ZNF780B: variants seen among roughly 807,000 people sequenced by gnomAD.
ZNF780B encodes zinc finger protein 779.
In ZNF780B, 52 loss-of-function variants were observed where a neutral mutation model predicts 74.1. The observed-to-expected ratio is 0.70, with a 90% confidence interval of 0.56 to 0.88. ZNF780B has a LOEUF of 0.88. ZNF780B is among the 40% of genes least tolerant of loss of function. The pLI is 0.00. For synonymous variants in ZNF780B, 315 were observed against 324.3 expected, an observed-to-expected ratio of 0.97 and a Z score of 0.31; for missense variants, 953 against 1,007.6, an observed-to-expected ratio of 0.95 and a Z score of 0.73.
chr19:40,038,477 G>A (rs550873315), intron 4 of ZNF780B, among the ~76,000 whole-genome samples: 3 of 150,780 alleles, frequency 2.0e-5, no homozygotes, highest in South Asian at 2.1e-4. Flanking sequence ...CTAGATCCCT[G>A]AGGAATCGCC....
In ZNF780B at chr19:40,052,345, C is replaced by T. The variant is rs1288639831; in HGVS notation, c.-45-1968G>A. 4.6e-5 allele frequency among the ~76,000 whole-genome samples: 7 copies of T among 152,242 alleles called. No homozygotes were observed. In the South Asian group the frequency reaches 1.0e-3, roughly 23 times the overall value. On this transcript the variant is annotated intron_variant, in intron 1 of 4. Coordinates refer to ENST00000434248, the MANE Select transcript of ZNF780B (RefSeq NM_001005851.3). ...AACCAAAAGTTTTTAAACATCACCC[C>T]CGCTGAGAATCAATGTTCTATCTAG...
intron 2 of ZNF780B, chr19:40,049,071 AAAAG>A (rs1002204662): frequency 1.1e-5 from 4 of 379,668 alleles, no homozygotes; most frequent in Non-Finnish European, 1.9e-5. Flanking sequence ...AAAAAAAAAA[AAAAG>A]AAAGAAAGAA....
rs1307454272 is a variant in ZNF780B, at chr19:40,034,632, G to A, written c.2227C>T (p.His743Tyr). 1.2e-6 allele frequency: 2 copies of A among 1,613,988 alleles called. No homozygotes were observed. The highest frequency in any genetic ancestry group is 1.1e-5 in the South Asian group (1 of 91,076). Residue 743 changes from histidine to tyrosine, a missense_variant, in exon 5 of 5, where the codon CAT (histidine) becomes TAT (tyrosine). Physicochemically the swap from His to Tyr is moderately conservative, Grantham distance 83 (BLOSUM62 2). Coordinates refer to ENST00000434248, the MANE Select transcript of ZNF780B (RefSeq NM_001005851.3). ...AFGLLTQLAQHQIIHTGEKPF... is the reference protein window; with the variant it reads ...AFGLLTQLAQYQIIHTGEKPF... ...TTCTCACCAGTATGAATGATCTGAT[G>A]TTGAGCAAGCTGTGTCAGAAGACCA...
intron 3 of ZNF780B, among the ~76,000 whole-genome samples, chr19:40,048,368 C>T (rs768779856): frequency 2.6e-5 from 4 of 152,104 alleles, no homozygotes; most frequent in African/African-American, 4.8e-5. Context: ...TAATATGAAA[C>T]CTGGTTCTTG....
intron 1 of ZNF780B, among the ~76,000 whole-genome samples, chr19:40,053,366 C>T (rs1185799720): frequency 6.6e-6 from 1 of 152,184 alleles, no homozygotes; most frequent in East Asian, 1.9e-4. Flanking sequence ...AATAAGATAT[C>T]ACCTCATATG....
rs1972077208 is a variant in ZNF780B, at chr19:40,033,314, G to T, written c.*1043C>A. Reference sequence around the variant, plus strand: ...TGCAAGGTTGCTGCAAACCTTCAGTGTGTATAAAATGCAGTAACTGCAATG... The same window carrying T: ...TGCAAGGTTGCTGCAAACCTTCAGTTTGTATAAAATGCAGTAACTGCAATG... On this transcript the variant is annotated 3_prime_UTR_variant, in exon 5 of 5. Transcript: ENST00000434248. 6.5e-6 allele frequency: 1 copy of T among 154,992 alleles called. No homozygotes were observed. Among genetic ancestry groups the T allele is most frequent in the Non-Finnish European group, 1.5e-5 (1 of 68,260 alleles). The allele number at this position is 154,992 out of a possible 1,614,324, so 9.6% of individuals were successfully genotyped here.
chr19:40,049,060 G>T, intron 2 of ZNF780B: 3 of 258,986 alleles, frequency 1.2e-5, no homozygotes, highest in East Asian at 8.3e-5. Flanking sequence ...GCACTCCCTG[G>T]AAAAAAAAAA....
In ZNF780B at chr19:40,035,225, G is replaced by A; in HGVS notation, c.1634C>T (p.Ser545Phe). 1 of 1,612,438 alleles carries A rather than the reference G, an allele frequency of 6.2e-7. No homozygotes were observed. Among genetic ancestry groups the A allele is most frequent in the Non-Finnish European group, 8.5e-7 (1 of 1,179,566 alleles). ...ACCTGTATGAGTTTTCTCATGTTGA[G>A]AAAGTTGTAGGTGAAGTCTAAAAGC... ...GKAFRLHLQL[S>F]QHEKTHTGEK... Residue 545 changes from serine (S) to phenylalanine (F), a missense_variant, in exon 5 of 5, where the codon TCT (serine) becomes TTT (phenylalanine). Ser to Phe is a radical substitution (Grantham distance 155). Transcript: ENST00000434248.
Position 40,032,478 on chromosome 19 carries a change from G to A in ZNF780B, c.*1879C>T, listed in dbSNP as rs967322021. 2 of 280,864 alleles carry A rather than the reference G, an allele frequency of 7.1e-6. No individual in the cohort carries two copies. Among genetic ancestry groups the A allele is most frequent in the Non-Finnish European group, 1.4e-5 (2 of 145,132 alleles). 17.4% of individuals were successfully genotyped at this position (280,864 alleles called of 1,614,324 possible). On this transcript the variant is annotated 3_prime_UTR_variant, in exon 5 of 5. Coordinates refer to ENST00000434248, the MANE Select transcript of ZNF780B (RefSeq NM_001005851.3). ...TCATGCCTGTAATCCCAGCACTTTG[G>A]GAGGCCAAGGCGGGTGGATCACGAG...
At chr19:40,051,373 G>T (rs1029507572) in intron 1 of ZNF780B, among the ~76,000 whole-genome samples, 2 of 151,634 alleles carry the variant, frequency 1.3e-5, no homozygotes, top group Non-Finnish European at 2.9e-5. Flanking sequence ...TCCTTTCAAC[G>T]TGGGGACAAA....
In ZNF780B at chr19:40,048,798, T is replaced by C. The variant is rs112293642; in HGVS notation, c.10-2A>G. On this transcript the variant is annotated splice_acceptor_variant, in intron 2 of 4. Transcript: ENST00000434248. LOFTEE classifies it high-confidence loss of function. ...CACATCCCTGAATGTCACTGATCCC[T>C]GAAACCACAAACACATGGATTATGG... The C allele has an allele frequency of 0.012, 19,763 of 1,613,954 alleles. 146 individuals are homozygous for C. The highest frequency in any genetic ancestry group is 0.015 in the Non-Finnish European group (17,486 of 1,179,950).
chr19:40,036,337 A>G lies in ZNF780B; in HGVS notation c.522T>C (p.Phe174=), dbSNP rs1274399908. Reference sequence around the variant, plus strand: ...GCTGAATAAGATTTGAACCACAACTAAAGTATTTCCCACATTCCTTACATT... The same window carrying G: ...GCTGAATAAGATTTGAACCACAACTGAAGTATTTCCCACATTCCTTACATT... ...PYECKECGKY[F]SCGSNLIQHQ... Residue 174 remains phenylalanine (F), a synonymous_variant, in exon 5 of 5, where the codon TTT becomes TTC. Transcript: ENST00000434248. The G allele has an allele frequency of 1.5e-5, 24 of 1,613,824 alleles. 1 individual carries two copies. In the South Asian group the frequency reaches 2.2e-4, roughly 15 times the overall value.
In ZNF780B at chr19:40,047,375, C is replaced by T. The variant is rs1972978764; in HGVS notation, c.232G>A (p.Asp78Asn). ...CCCTGCCTGCTTTACTCTCACTTAC[C>T]TGGATACCATCTGCTTGTTTCTTTA... is the stretch of plus-strand genomic sequence containing the variant. ...VSKETSRWYP[D>N]LESKYGPEKI... The change falls in exon 4 of 5, where the codon GAT becomes AAT. Residue 78 changes from aspartate (D) to asparagine (N), a missense_variant and splice_region_variant. Transcript: ENST00000434248. The T allele has an allele frequency of 6.2e-7, 1 of 1,612,358 alleles. No individual in the cohort carries two copies. The highest frequency in any genetic ancestry group is 2.2e-5 in the East Asian group (1 of 44,848).
chr19:40,054,192 G>A (rs1033918202), intron 1 of ZNF780B, among the ~76,000 whole-genome samples: 4 of 152,164 alleles, frequency 2.6e-5, no homozygotes, highest in Non-Finnish European at 4.4e-5. Flanking sequence ...AATTAGAGAA[G>A]AGAATGGTGT....
At chr19:40,047,703 C>G (rs911656138) in intron 3 of ZNF780B, among the ~76,000 whole-genome samples, 4 of 151,606 alleles carry the variant, frequency 2.6e-5, no homozygotes, top group Admixed American at 2.6e-4. Context: ...TAGTGGTTAA[C>G]AGCAGGAAAC....
At chr19:40,039,463 C>CT in intron 4 of ZNF780B, among the ~76,000 whole-genome samples, 1 of 151,944 alleles carries the variant, frequency 6.6e-6, no homozygotes, top group South Asian at 2.1e-4. Flanking sequence ...TCATTGGTAG[C>CT]TTGATGGGGA....
rs780911133 is a variant in ZNF780B, at chr19:40,047,452, G to C, written c.155C>G (p.Pro52Arg). 14 of 1,611,238 alleles carry C rather than the reference G, an allele frequency of 8.7e-6. No individual in the cohort carries two copies. Among genetic ancestry groups the C allele is most frequent in the Non-Finnish European group, 1.0e-5 (12 of 1,178,712 alleles). ...LISLGSSISKPDVITLLEQEK... is the reference protein window; with the variant it reads ...LISLGSSISKRDVITLLEQEK... ...TTGCTCTAGTAATGTAATCACATCT[G>C]GCTTAGAAATGGAACTTCCTGCTTA... The change falls in exon 4 of 5, where the codon CCA becomes CGA. Residue 52 changes from proline to arginine, a missense_variant. Physicochemically the swap from Pro to Arg is moderately radical, Grantham distance 103. Transcript: ENST00000434248.
At chr19:40,045,831 T>G in intron 4 of ZNF780B, among the ~76,000 whole-genome samples, 1 of 151,916 alleles carries the variant, frequency 6.6e-6, no homozygotes, top group East Asian at 1.9e-4. Context: ...CTATTAAAAA[T>G]ACAAAAATTA....
Position 40,032,344 on chromosome 19 carries a change from C to A in ZNF780B, c.*2013G>T. On this transcript the variant is annotated 3_prime_UTR_variant, in exon 5 of 5. Coordinates refer to ENST00000434248, the MANE Select transcript of ZNF780B (RefSeq NM_001005851.3). ...CCACCATAATTTGAGAGCATACTTT[C>A]ATGGGGTTTCCATGCTACAATACAC... The A allele has an allele frequency of 2.6e-6, 1 of 385,296 alleles. No homozygotes were observed. The highest frequency in any genetic ancestry group is 5.0e-6 in the Non-Finnish European group (1 of 199,088). 23.9% of individuals were successfully genotyped at this position (385,296 alleles called of 1,614,324 possible).
Sources: allele counts gnomAD v4.1 joint callset (sites outside exome capture counted in the v4.1 genomes callset), GRCh38; gene constraint gnomAD v4.1.1; transcripts MANE v1.5; gene names NCBI Gene and HGNC (gene_info 2026-07-23, HGNC 2026-07-21).